The following PRRT1 variants were observed in gnomAD, a reference collection of about 807,000 sequenced individuals.
PRRT1 encodes proline rich transmembrane protein 1.
In PRRT1, 8 loss-of-function variants were observed where a neutral mutation model predicts 22.6. The ratio of observed to expected loss-of-function variants is 0.35; its 90% CI spans 0.21 to 0.64. The LOEUF (loss-of-function observed/expected upper bound fraction) is 0.64, where lower values mean the gene tolerates loss of function less well. PRRT1 is among the 30% of genes least tolerant of loss of function. The pLI is 0.69. For missense variants in PRRT1, 315 were observed against 444.5 expected (o/e 0.71, Z 2.62); for synonymous variants, 176 against 203.6 (o/e 0.86, Z 1.15).
At position 32,148,940 on chromosome 6, in the gene PRRT1, A is replaced by G. The variant is rs1239119480; in HGVS notation, c.*282T>C. ...GAGGTTGCTCGGTTGGGGGCGCTAC[A>G]CTTTGAGGGTGAGGGGGCCTGGAGC... On this transcript the variant is annotated 3_prime_UTR_variant, in exon 4 of 4. Transcript: ENST00000211413. The surrounding 1 kb of genome is among the most constrained non-coding windows in gnomAD (Gnocchi z 5.7). 7.3e-6 allele frequency: 5 copies of G among 681,192 alleles called. No homozygotes were observed. The South Asian group carries it at 7.5e-5, about 10-fold the overall frequency. The allele number at this position is 681,192 out of a possible 1,614,324, so 42.2% of individuals were successfully genotyped here.
rs1256312675 is a variant in PRRT1, at chr6:32,148,666, G to A, written c.*556C>T. The A allele has an allele frequency of 2.1e-5, 8 of 388,176 alleles. No homozygotes were observed. The highest frequency in any genetic ancestry group is 4.1e-5 in the Non-Finnish European group (8 of 193,732). 24.0% of individuals were successfully genotyped at this position (388,176 alleles called of 1,614,324 possible). On this transcript the variant is annotated 3_prime_UTR_variant, in exon 4 of 4. Coordinates refer to ENST00000211413, the MANE Select transcript of PRRT1 (RefSeq NM_030651.4). The surrounding 1 kb of genome is among the most constrained non-coding windows in gnomAD (Gnocchi z 5.7). ...GAAAATAGGCAGATACCTGGGTGGA[G>A]GAGGGACAAAAATGTACTTGCAAAA...
chr6:32,149,354 G>C lies in PRRT1; in HGVS notation c.789C>G (p.Ile263Met), dbSNP rs754977218. 6.2e-7 allele frequency: 1 copy of C among 1,605,600 alleles called. No individual in the cohort carries two copies. Among genetic ancestry groups the C allele is most frequent in the Non-Finnish European group, 8.5e-7 (1 of 1,175,106 alleles). Reference protein sequence around the residue: ...LARGDMVSAEIASREARNFSF... With the variant: ...LARGDMVSAEMASREARNFSF... ...AGAAGTTCCGGGCCTCGCGTGAAGC[G>C]ATCTCGGCCGACACCATGTCTCCGC... Residue 263 changes from isoleucine (I) to methionine (M), a missense_variant, in exon 4 of 4, where the codon ATC becomes ATG. This residue lies in a region of PRRT1 where 3 missense variants were observed against 30.0 expected (regional missense o/e 0.10). Transcript: ENST00000211413. The surrounding 1 kb of genome is among the most constrained non-coding windows in gnomAD (Gnocchi z 8.7).
chr6:32,150,977 G>T lies in PRRT1; in HGVS notation c.20-71C>A. On this transcript the variant is annotated intron_variant, in intron 1 of 3. Coordinates refer to ENST00000211413, the MANE Select transcript of PRRT1 (RefSeq NM_030651.4). This position sits in a 1 kb window ranked among gnomAD's most constrained non-coding sequence, Gnocchi z 7.2. ...GTGATGAGTTGAGGAGGGGGTAAGG[G>T]GAAACACAGCCGGTCAGGGATGGAG... 8.1e-7 allele frequency: 1 copy of T among 1,241,016 alleles called. No individual in the cohort carries two copies. Among genetic ancestry groups the T allele is most frequent in the Non-Finnish European group, 1.1e-6 (1 of 875,120 alleles). The allele number at this position is 1,241,016 out of a possible 1,614,324, so 76.9% of individuals were successfully genotyped here.
upstream of PRRT1, chr6:32,151,951 C>CGGGGGGGGGGGCGGGGGG: frequency 4.7e-6 from 1 of 214,888 alleles, no homozygotes; most frequent in Non-Finnish European, 8.4e-6. Context: ...AAGGCAGCGG[C>CGGGGGGGGGGGCGGGGGG]GGGGGGGGGG....
chr6:32,149,569 T>C lies in PRRT1; in HGVS notation c.712A>G (p.Thr238Ala). ...VLTTICCFWP[T>A]GIIAIFKAVQ... ...GCCTTGAAGATGGCAATGATGCCAG[T>C]AGGCCAGAAGCAACAGATGGTGGTC... The change falls in exon 3 of 4, where the codon ACT (threonine) becomes GCT (alanine). Residue 238 changes from threonine to alanine, a missense_variant. Thr to Ala is a moderately conservative substitution (Grantham distance 58, BLOSUM62 0). Transcript: ENST00000211413. This position sits in a 1 kb window ranked among gnomAD's most constrained non-coding sequence, Gnocchi z 8.7. The C allele has an allele frequency of 6.2e-7, 1 of 1,613,030 alleles. No homozygotes were observed. Among genetic ancestry groups the C allele is most frequent in the Non-Finnish European group, 8.5e-7 (1 of 1,180,020 alleles).
rs1461561617 is a variant in PRRT1, at chr6:32,148,687, C to T, written c.*535G>A. On this transcript the variant is annotated 3_prime_UTR_variant, in exon 4 of 4. Transcript: ENST00000211413. This position sits in a 1 kb window ranked among gnomAD's most constrained non-coding sequence, Gnocchi z 5.7. ...TGGAGGAGGGACAAAAATGTACTTG[C>T]AAAAAACAGGAGTGTGGGGGCCTTA... 7 of 405,866 alleles carry T rather than the reference C, an allele frequency of 1.7e-5. No individual in the cohort carries two copies. The highest frequency in any genetic ancestry group is 1.5e-4 in the African/African-American group (7 of 47,828). The allele number at this position is 405,866 out of a possible 1,614,324, so 25.1% of individuals were successfully genotyped here. A position where few individuals can be genotyped will look rare whatever the true frequency, so the allele number is the denominator to read the frequency against.
rs1331367749 is a variant in PRRT1 at position 32,149,418 on chromosome 6, G to C, written c.745-20C>G. ...GCGCACCTACGGAGGAGGGGTGGGG[G>C]AAGGAGGTCAAAGAGCTGCGGCCTC... On this transcript the variant is annotated intron_variant, in intron 3 of 3. Coordinates refer to ENST00000211413, the MANE Select transcript of PRRT1 (RefSeq NM_030651.4). This position sits in a 1 kb window ranked among gnomAD's most constrained non-coding sequence, Gnocchi z 8.7. 6.3e-7 allele frequency: 1 copy of C among 1,594,400 alleles called. No homozygotes were observed.
In PRRT1 at chr6:32,150,998, T is replaced by C; in HGVS notation, c.20-92A>G. 9.7e-7 allele frequency: 1 copy of C among 1,034,430 alleles called. No homozygotes were observed. Among genetic ancestry groups the C allele is most frequent in the Non-Finnish European group, 1.5e-6 (1 of 687,908 alleles). 64.1% of individuals were successfully genotyped at this position (1,034,430 alleles called of 1,614,324 possible). A position where few individuals can be genotyped will look rare whatever the true frequency, so the allele number is the denominator to read the frequency against. On this transcript the variant is annotated intron_variant, in intron 1 of 3. Transcript: ENST00000211413. The surrounding 1 kb of genome is among the most constrained non-coding windows in gnomAD (Gnocchi z 7.2). ...AAGGGGAAACACAGCCGGTCAGGGATGGAGAAAGATAATGGGAGAGACACA... is the reference window on the plus strand; with the variant it reads ...AAGGGGAAACACAGCCGGTCAGGGACGGAGAAAGATAATGGGAGAGACACA...
Position 32,150,467 on chromosome 6 carries a change from C to T in PRRT1, c.459G>A (p.Gly153=), listed in dbSNP as rs1275259564. Residue 153 remains glycine (G), a synonymous_variant, in exon 2 of 4, where the codon GGG becomes GGA. Coordinates refer to ENST00000211413, the MANE Select transcript of PRRT1 (RefSeq NM_030651.4). The surrounding 1 kb of genome is among the most constrained non-coding windows in gnomAD (Gnocchi z 7.2). ...CCCCCAGCGGCAGCGTGCCCACAGTCCCCGCGTGCGTGGGCACCACGAAGC... is the reference window on the plus strand; with the variant it reads ...CCCCCAGCGGCAGCGTGCCCACAGTTCCCGCGTGCGTGGGCACCACGAAGC... ...APGFVVPTHA[G]TVGTLPLGGY... 2 of 1,504,482 alleles carry T rather than the reference C, an allele frequency of 1.3e-6. No individual in the cohort carries two copies. Among genetic ancestry groups the T allele is most frequent in the Non-Finnish European group, 1.8e-6 (2 of 1,133,536 alleles). 93.2% of individuals were successfully genotyped at this position (1,504,482 alleles called of 1,614,324 possible).
In PRRT1 at chr6:32,150,508, T is replaced by C. The variant is rs1172490442; in HGVS notation, c.418A>G (p.Thr140Ala). 7.0e-7 allele frequency: 1 copy of C among 1,426,166 alleles called. No individual in the cohort carries two copies. Among genetic ancestry groups the C allele is most frequent in the Admixed American group, 3.3e-5 (1 of 30,164 alleles). 88.3% of individuals were successfully genotyped at this position (1,426,166 alleles called of 1,614,324 possible). Residue 140 changes from threonine to alanine, a missense_variant, in exon 2 of 4, where the codon ACT becomes GCT. Around this residue, in one of 4 missense-constraint regions of PRRT1, gnomAD observed 263 missense variants for 328.5 expected, o/e 0.80. Transcript: ENST00000211413. This position sits in a 1 kb window ranked among gnomAD's most constrained non-coding sequence, Gnocchi z 7.2. ...AAPPPPAPAQ[T>A]AQAPGFVVPT... ...ACCACGAAGCCAGGGGCCTGGGCAG[T>C]CTGGGCTGGCGCCGGCGGGGGCGGG...
chr6:32,151,865 AGTGGGGGTCCTCG>A lies in PRRT1; in HGVS notation c.-51_-39del, dbSNP rs754199441. 1.2e-6 allele frequency: 2 copies of A among 1,600,296 alleles called. No individual in the cohort carries two copies. The highest frequency in any genetic ancestry group is 1.1e-5 in the South Asian group (1 of 90,520). On this transcript the variant is annotated 5_prime_UTR_variant, in exon 1 of 4. Transcript: ENST00000211413. Reference sequence around the variant, plus strand: ...GCTGGGACAGGGTCCCTGCAGCCGGAGTGGGGGTCCTCGGCCGGTGCTGGAGTCTGGGTGCTGG... The same window carrying A: ...GCTGGGACAGGGTCCCTGCAGCCGGAGCCGGTGCTGGAGTCTGGGTGCTGG...
In PRRT1 at chr6:32,148,832, G is replaced by A; in HGVS notation, c.*390C>T. 1 of 519,320 alleles carries A rather than the reference G, an allele frequency of 1.9e-6. No homozygotes were observed. The allele number at this position is 519,320 out of a possible 1,614,324, so 32.2% of individuals were successfully genotyped here. Reference sequence around the variant, plus strand: ...ATCACCCCGCGGAGAAGAAAAGAAGGCGGAGCCTGCCGACCTGGAGGCGGG... The same window carrying A: ...ATCACCCCGCGGAGAAGAAAAGAAGACGGAGCCTGCCGACCTGGAGGCGGG... On this transcript the variant is annotated 3_prime_UTR_variant, in exon 4 of 4. Coordinates refer to ENST00000211413, the MANE Select transcript of PRRT1 (RefSeq NM_030651.4). The surrounding 1 kb of genome is among the most constrained non-coding windows in gnomAD (Gnocchi z 5.7).
chr6:32,151,960 G>GT, upstream of PRRT1: 1 of 300,320 alleles, frequency 3.3e-6, no homozygotes, highest in Admixed American at 3.8e-5. Context: ...GCGGGGGGGG[G>GT]GGGCGGGGGG....
chr6:32,152,070 C>T, upstream of PRRT1: 1 of 705,122 alleles, frequency 1.4e-6, no homozygotes, highest in Non-Finnish European at 2.6e-6. Flanking sequence ...TCTCTGCTCT[C>T]GGACCACCTC....
rs773013824 is a variant in PRRT1 at position 32,149,603 on chromosome 6, G to A, written c.678C>T (p.Ile226=). Residue 226 remains isoleucine, a synonymous_variant, in exon 3 of 4, where the codon ATC becomes ATT. Transcript: ENST00000211413. This position sits in a 1 kb window ranked among gnomAD's most constrained non-coding sequence, Gnocchi z 8.7. ...AGCAACAGATGGTGGTCAGCACCGC[G>A]ATGGGCATGTAGTCGTGTGGCGGGC... ...PRRPPHDYMP[I]AVLTTICCFW... is the part of the protein sequence containing the mutation. 1.7e-5 allele frequency: 27 copies of A among 1,612,972 alleles called. No individual in the cohort carries two copies. The African/African-American group carries it at 3.5e-4, about 21-fold the overall frequency.
rs1374769168 is a variant in PRRT1, at chr6:32,150,659, AG to A, written c.266del (p.Pro89LeufsTer76). Reference protein sequence around the residue: ...ATLPRPPHHAPPGPAAGAPPP... With the variant: ...ATLPRPPHHAXPGPAAGAPPP... Reference sequence around the variant, plus strand: ...GGGGTGCCCCGGCAGCAGGGCCGGGAGGGGCGTGGTGGGGGGGCCTCGGCAG... The same window carrying A: ...GGGGTGCCCCGGCAGCAGGGCCGGGAGGGCGTGGTGGGGGGGCCTCGGCAG... On this transcript the variant is annotated frameshift_variant, in exon 2 of 4. Coordinates refer to ENST00000211413, the MANE Select transcript of PRRT1 (RefSeq NM_030651.4). LOFTEE classifies it high-confidence loss of function. The surrounding 1 kb of genome is among the most constrained non-coding windows in gnomAD (Gnocchi z 7.2). 8.3e-7 allele frequency: 1 copy of A among 1,206,568 alleles called. No individual in the cohort carries two copies. 74.7% of individuals were successfully genotyped at this position (1,206,568 alleles called of 1,614,324 possible). A position where few individuals can be genotyped will look rare whatever the true frequency, so the allele number is the denominator to read the frequency against.
rs2127377102 is a variant in PRRT1 at position 32,149,696 on chromosome 6, T to C, written c.585A>G (p.Gly195=). 1 of 1,601,690 alleles carries C rather than the reference T, an allele frequency of 6.2e-7. No homozygotes were observed. Among genetic ancestry groups the C allele is most frequent in the Non-Finnish European group, 8.5e-7 (1 of 1,174,458 alleles). The change falls in exon 3 of 4, where the codon GGA becomes GGG. Residue 195 remains glycine (G), a synonymous_variant. Transcript: ENST00000211413. This position sits in a 1 kb window ranked among gnomAD's most constrained non-coding sequence, Gnocchi z 8.7. ...GGGGGAGAGTGGAGGTCACTCCTGT[T>C]CCCCCCGGGGTCCCGCCTGCATATG... ...GTPYAGGTPG[G]TGVTSTLPPP... is the part of the protein sequence containing the mutation.
upstream of PRRT1, chr6:32,151,959 G>GT (rs1240526492): frequency 2.7e-5 from 8 of 299,316 alleles, no homozygotes; most frequent in Non-Finnish European, 5.2e-5. Flanking sequence ...GGCGGGGGGG[G>GT]GGGGCGGGGG....
chr6:32,150,391 C>A lies in PRRT1; in HGVS notation c.535G>T (p.Val179Leu), dbSNP rs750827931. The A allele has an allele frequency of 1.9e-6, 3 of 1,552,942 alleles. No individual in the cohort carries two copies. The highest frequency in any genetic ancestry group is 1.7e-6 in the Non-Finnish European group (2 of 1,157,360). ...ACCGTGCCCACCGGGTAGACCGGCA[C>A]GTAAGCAGTGCAAGGCTGCAGCTGC... is the stretch of plus-strand genomic sequence containing the variant. ...PLQLQPCTAY[V>L]PVYPVGTPYA... is the part of the protein sequence containing the mutation. The change falls in exon 2 of 4, where the codon GTG becomes TTG. Residue 179 changes from valine to leucine, a missense_variant. By Grantham distance (32) the Val-to-Leu change is conservative (BLOSUM62 1). Transcript: ENST00000211413. This position sits in a 1 kb window ranked among gnomAD's most constrained non-coding sequence, Gnocchi z 7.2.
Sources: allele counts gnomAD v4.1 joint callset, GRCh38; gene constraint gnomAD v4.1.1; regional missense constraint gnomAD v4.1.1; non-coding constraint Gnocchi (gnomAD v3.1); transcripts MANE v1.5; gene names NCBI Gene and HGNC (gene_info 2026-07-23, HGNC 2026-07-21).